Variants in COL23A1 observed in about 807,000 individuals in gnomAD.
COL23A1 encodes the protein collagen alpha-1(XXIII) chain.
Under a neutral mutation model 99.3 loss-of-function variants are expected in COL23A1, and 97 were observed. The ratio of observed to expected loss-of-function variants is 0.98; its 90% CI spans 0.83 to 1.16. The LOEUF is 1.16. Ranked by LOEUF, COL23A1 falls within the 50% of genes most tolerant of loss-of-function variation. The probability of loss-of-function intolerance (pLI) is 0.00; values close to 1 mark genes in which losing one functional copy is unlikely to be tolerated. For synonymous variants in COL23A1, 320 were observed against 308.2 expected (o/e 1.04, Z -0.40); for missense variants, 762 against 757.4 (o/e 1.01, Z -0.07).
At chr5:178,358,546 GTGTA>G (rs1228620746) in intron 2 of COL23A1, among the ~76,000 whole-genome samples, 7 of 150,316 alleles carry the variant, frequency 4.7e-5, no homozygotes, top group African/African-American at 1.2e-4. Context: ...GTGTATGTGT[GTGTA>G]TGTGTACGTG....
At chr5:178,268,822 T>C in intron 6 of COL23A1, 66 bp from the exon 7 acceptor site, 1 of 1,542,276 alleles carries the variant, frequency 6.5e-7, no homozygotes, top group Non-Finnish European at 8.8e-7. Flanking sequence ...CCCTTCTGGC[T>C]TCCCTATACC....
intron 2 of COL23A1, among the ~76,000 whole-genome samples, chr5:178,541,097 A>G (rs1051116997): frequency 1.1e-4 from 16 of 152,220 alleles, no homozygotes; most frequent in Non-Finnish European, 1.6e-4. Context: ...AATACTAACT[A>G]TCAAGTTTTG....
At chr5:178,575,309 G>C (rs1029414610) in intron 1 of COL23A1, among the ~76,000 whole-genome samples, 1 of 152,174 alleles carries the variant, frequency 6.6e-6, no homozygotes, top group African/African-American at 2.4e-5. Context: ...CCTTCCTAAG[G>C]CTGTCTTTCC....
At chr5:178,440,915 C>A (rs1466960907) in intron 2 of COL23A1, among the ~76,000 whole-genome samples, 1 of 152,180 alleles carries the variant, frequency 6.6e-6, no homozygotes, top group African/African-American at 2.4e-5. Context: ...CCATGCCCGG[C>A]CTACTGTTTC....
chr5:178,274,579 G>C lies in COL23A1; in HGVS notation c.442-4216C>G, dbSNP rs112655302. ...CTTGGGTGGTGGTTGGCTGGGTGTG[G>C]GGGGGGTCTCCCCTATCTAGGCAGC... On this transcript the variant is annotated intron_variant, in intron 5 of 28. Transcript: ENST00000390654. 2.0e-4 allele frequency among the ~76,000 whole-genome samples: 8 copies of C among 40,594 alleles called. No homozygotes were observed. In the South Asian group the frequency reaches 4.4e-3, roughly 22 times the overall value. The allele number at this position is 40,594 out of a possible 152,430, so 26.6% of individuals were successfully genotyped here.
At chr5:178,521,425 C>T (rs532529540) in intron 2 of COL23A1, among the ~76,000 whole-genome samples, 117 of 152,140 alleles carry the variant, frequency 7.7e-4, no homozygotes, top group African/African-American at 2.7e-3. Flanking sequence ...TGGTGGCAGG[C>T]GCCTGTATTC....
intron 2 of COL23A1, among the ~76,000 whole-genome samples, chr5:178,519,782 G>A (rs1292460767): frequency 1.3e-5 from 2 of 152,226 alleles, no homozygotes; most frequent in Non-Finnish European, 2.9e-5. Context: ...TTGGTTGAAT[G>A]AATGAATGAT....
intron 2 of COL23A1, among the ~76,000 whole-genome samples, chr5:178,483,383 G>A (rs539672953): frequency 6.6e-6 from 1 of 152,134 alleles, no homozygotes; most frequent in South Asian, 2.1e-4. Flanking sequence ...GACACTGTCA[G>A]AATTCCGCTC....
At chr5:178,568,852 C>T (rs1323993004) in intron 1 of COL23A1, among the ~76,000 whole-genome samples, 1 of 152,214 alleles carries the variant, frequency 6.6e-6, no homozygotes, top group Admixed American at 6.5e-5. Context: ...GGGCACTTTC[C>T]ACCTTTTGGC....
At chr5:178,574,609 A>T (rs1054468858) in intron 1 of COL23A1, among the ~76,000 whole-genome samples, 5 of 152,182 alleles carry the variant, frequency 3.3e-5, no homozygotes, top group African/African-American at 1.2e-4. Context: ...AGACATTCAG[A>T]TAACATACAT....
intron 2 of COL23A1, among the ~76,000 whole-genome samples, chr5:178,501,377 G>A (rs967473819): frequency 6.6e-6 from 1 of 152,150 alleles, no homozygotes; most frequent in Non-Finnish European, 1.5e-5. Context: ...GAGGTCAGGA[G>A]TTCGAGACCA....
intron 2 of COL23A1, among the ~76,000 whole-genome samples, chr5:178,339,459 G>A (rs1192187385): frequency 1.3e-5 from 2 of 152,206 alleles, no homozygotes; most frequent in African/African-American, 2.4e-5. Flanking sequence ...TCAAGGCATT[G>A]TGCTCCTGTT....
In COL23A1 at chr5:178,514,026, A is replaced by C. The variant is rs1001352396; in HGVS notation, c.361+46656T>G. ...CACCCACAGAACTTCTTCATGTTGC[A>C]AAACTGAAACCTTGTCCCCATTAAG... On this transcript the variant is annotated intron_variant, in intron 2 of 28. Coordinates refer to ENST00000390654, the MANE Select transcript of COL23A1 (RefSeq NM_173465.4). 2.0e-5 allele frequency among the ~76,000 whole-genome samples: 3 copies of C among 152,138 alleles called. No individual in the cohort carries two copies. The East Asian group carries it at 5.8e-4, about 29-fold the overall frequency.
chr5:178,344,959 T>C, intron 2 of COL23A1: 1 of 619,960 alleles, frequency 1.6e-6, no homozygotes, highest in Non-Finnish European at 3.0e-6. Flanking sequence ...CAGTGGTTGC[T>C]GAGACAGAAG....
intron 2 of COL23A1, among the ~76,000 whole-genome samples, chr5:178,471,502 G>C (rs1022676707): frequency 6.8e-6 from 1 of 147,544 alleles, no homozygotes; most frequent in Non-Finnish European, 1.5e-5. Context: ...GCCTCCCAAA[G>C]TGCTCGGATT....
intron 2 of COL23A1, among the ~76,000 whole-genome samples, chr5:178,481,131 C>CA (rs10625763): frequency 0.014 from 1,468 of 102,220 alleles, 40 homozygotes; most frequent in African/African-American, 0.048. Flanking sequence ...GACTGTCTCT[C>CA]AAAAAAAAAA....
At chr5:178,242,720 C>T (rs976405518) in intron 25 of COL23A1, among the ~76,000 whole-genome samples, 6 of 152,196 alleles carry the variant, frequency 3.9e-5, no homozygotes, top group African/African-American at 9.7e-5. Context: ...ACAGAGACCC[C>T]GGAAACCATG....
At chr5:178,425,941 C>T (rs764675569) in intron 2 of COL23A1, among the ~76,000 whole-genome samples, 1 of 152,144 alleles carries the variant, frequency 6.6e-6, no homozygotes, top group East Asian at 1.9e-4. Context: ...ACTTGTGCTC[C>T]GGTGAACACA....
intron 2 of COL23A1, among the ~76,000 whole-genome samples, chr5:178,480,231 G>A (rs1279717112): frequency 6.6e-6 from 1 of 152,058 alleles, no homozygotes; most frequent in African/African-American, 2.4e-5. Flanking sequence ...GTTGAAGCTG[G>A]GGGAGGAATC....
Sources: allele counts gnomAD v4.1 joint callset (sites outside exome capture counted in the v4.1 genomes callset), GRCh38; gene constraint gnomAD v4.1.1; transcripts MANE v1.5; gene names NCBI Gene and HGNC (gene_info 2026-07-23, HGNC 2026-07-21).